Variants in HAO2 observed in about 807,000 individuals in gnomAD.
HAO2 encodes hydroxyacid oxidase 2.
HAO2 carries 42 observed loss-of-function variants against 37.4 expected under a neutral mutation model. That is an observed-to-expected ratio of 1.12 (90% confidence interval 0.88 to 1.45). The LOEUF is 1.45. HAO2 is among the 40% of genes most tolerant of loss of function. HAO2 has a pLI of 0.00. For missense variants in HAO2, 476 were observed against 430.2 expected (o/e 1.11, Z -0.94); for synonymous variants, 180 against 162.8 (o/e 1.11, Z -0.81).
intron 3 of HAO2, among the ~76,000 whole-genome samples, chr1:119,384,497 C>T (rs1650218410): frequency 6.6e-6 from 1 of 152,186 alleles, no homozygotes; most frequent in African/African-American, 2.4e-5. Context: ...ACACAACCAA[C>T]ATGATTCTGG....
At chr1:119,389,766 C>T (rs72991418) in intron 5 of HAO2, among the ~76,000 whole-genome samples, 11,859 of 151,894 alleles carry the variant, frequency 0.078, 676 homozygotes, top group East Asian at 0.19. Context: ...GACTGTTCCT[C>T]TGCCATACAA....
At chr1:119,381,310 A>G in intron 2 of HAO2, 94 bp downstream of exon 2, 1 of 887,184 alleles carries the variant, frequency 1.1e-6, no homozygotes, top group Non-Finnish European at 1.9e-6. Context: ...CCTCCAAAAA[A>G]CACAGATCAC....
chr1:119,380,146 C>T (rs1557846140), intron 1 of HAO2, among the ~76,000 whole-genome samples: 1 of 152,158 alleles, frequency 6.6e-6, no homozygotes, highest in Non-Finnish European at 1.5e-5. Context: ...TCCTCTCATG[C>T]AGGAGCTCTA....
At chr1:119,369,112 G>T (rs1322702712) in intron 1 of HAO2, 1 of 152,202 alleles carries the variant, frequency 6.6e-6, no homozygotes, top group Non-Finnish European at 1.5e-5. Flanking sequence ...GACAGAGAAG[G>T]TTAAGTCTAG....
intron 1 of HAO2, among the ~76,000 whole-genome samples, chr1:119,374,495 AT>A (rs1478922689): frequency 2.0e-5 from 3 of 152,176 alleles, no homozygotes; most frequent in Non-Finnish European, 4.4e-5. Context: ...TAGCCTTGAT[AT>A]TATCTGACAT....
chr1:119,384,355 G>T (rs1650207167), intron 3 of HAO2, among the ~76,000 whole-genome samples: 1 of 152,150 alleles, frequency 6.6e-6, no homozygotes, highest in African/African-American at 2.4e-5. Flanking sequence ...AATTTCATAT[G>T]CTATGCTTTT....
At chr1:119,385,484 G>A (rs1006437676) in intron 4 of HAO2, 1 of 765,994 alleles carries the variant, frequency 1.3e-6, no homozygotes, top group African/African-American at 1.9e-5. Context: ...TGACCAAAGT[G>A]ACTGGCCAGA....
intron 1 of HAO2, among the ~76,000 whole-genome samples, chr1:119,380,340 A>G (rs1220739189): frequency 6.6e-6 from 1 of 152,188 alleles, no homozygotes; most frequent in Non-Finnish European, 1.5e-5. Flanking sequence ...GAATAAATGG[A>G]GCCAACATAC....
intron 1 of HAO2, 29 bp from the exon 2 acceptor site, chr1:119,381,049 T>C: frequency 6.2e-7 from 1 of 1,604,030 alleles, no homozygotes; most frequent in Non-Finnish European, 8.5e-7. Context: ...CTCACTGGGT[T>C]TGGTTTGGTT....
chr1:119,372,490 GA>G (rs1183188340), intron 1 of HAO2, among the ~76,000 whole-genome samples: 2 of 152,206 alleles, frequency 1.3e-5, no homozygotes, highest in Non-Finnish European at 2.9e-5. Context: ...GAGAGATTAG[GA>G]AAAGAGAAGA....
chr1:119,380,678 G>A (rs1386340185), intron 1 of HAO2: 8 of 1,593,706 alleles, frequency 5.0e-6, no homozygotes, highest in Admixed American at 3.3e-5. Flanking sequence ...ACTTTAGGAA[G>A]ATCCCAGGAA....
intron 4 of HAO2, among the ~76,000 whole-genome samples, 185 bp from the exon 5 acceptor site, chr1:119,386,437 C>T (rs1348240062): frequency 2.6e-5 from 4 of 152,118 alleles, no homozygotes; most frequent in Admixed American, 2.6e-4. Context: ...AACTACTAGG[C>T]TCAAAAGATC....
rs374103456 is a variant in HAO2, at chr1:119,381,142, G to A, written c.57G>A (p.Lys19=). The A allele has an allele frequency of 1.0e-4, 168 of 1,610,560 alleles. 1 individual carries two copies. The South Asian group carries it at 1.7e-3, about 16-fold the overall frequency. The part of the protein sequence containing the change: ...FQAHAREQLS[K]STRDFIEGGA... ...CCCATGCGCGAGAGCAGCTGTCTAA[G>A]TCAACTCGGGATTTTATTGAAGGTG... is the stretch of plus-strand genomic sequence containing the variant. Residue 19 remains lysine, a synonymous_variant, in exon 2 of 8, where the codon AAG becomes AAA. Coordinates refer to ENST00000325945, the MANE Select transcript of HAO2 (RefSeq NM_016527.4).
chr1:119,385,834 A>G, intron 4 of HAO2: 3 of 985,236 alleles, frequency 3.0e-6, no homozygotes, highest in Non-Finnish European at 3.6e-6. Context: ...CAAAATCCTT[A>G]TTCAAATTCC....
chr1:119,393,580 A>G (rs587773017), intron 7 of HAO2, among the ~76,000 whole-genome samples: 1 of 152,282 alleles, frequency 6.6e-6, no homozygotes, highest in East Asian at 1.9e-4. Context: ...TGACATGGCC[A>G]TGTTCAGAGA....
chr1:119,369,870 T>C (rs1192287058), intron 1 of HAO2, among the ~76,000 whole-genome samples: 11 of 152,044 alleles, frequency 7.2e-5, no homozygotes, highest in Non-Finnish European at 4.4e-5. Context: ...CAGAAACTGA[T>C]GTGATAAAGG....
chr1:119,371,722 A>G (rs1649030385), intron 1 of HAO2, among the ~76,000 whole-genome samples: 1 of 152,238 alleles, frequency 6.6e-6, no homozygotes, highest in African/African-American at 2.4e-5. Context: ...CATTTCCACA[A>G]GGATTAAAAC....
At chr1:119,387,456 T>C (rs1419368522) in intron 5 of HAO2, among the ~76,000 whole-genome samples, 1 of 152,174 alleles carries the variant, frequency 6.6e-6, no homozygotes, top group Non-Finnish European at 1.5e-5. Flanking sequence ...AATGAGGTTT[T>C]TTCCTCTTCA....
In HAO2 at chr1:119,385,868, T is replaced by C. The variant is rs779603186; in HGVS notation, c.562-754T>C. The C allele has an allele frequency of 1.3e-5, 13 of 984,904 alleles. No individual in the cohort carries two copies. In the East Asian group the frequency reaches 1.1e-3, roughly 86 times the overall value. The allele number at this position is 984,904 out of a possible 1,614,324, so 61.0% of individuals were successfully genotyped here. A position where few individuals can be genotyped will look rare whatever the true frequency, so the allele number is the denominator to read the frequency against. On this transcript the variant is annotated intron_variant, in intron 4 of 7. Transcript: ENST00000325945. The stretch of plus-strand genomic sequence containing the variant: ...CCAGAAGCACATTGAGATTTATAAA[T>C]GTTTGATGTACATGGTGAGCCAAGA...
Sources: allele counts gnomAD v4.1 joint callset (sites outside exome capture counted in the v4.1 genomes callset), GRCh38; gene constraint gnomAD v4.1.1; transcripts MANE v1.5; gene names NCBI Gene and HGNC (gene_info 2026-07-23, HGNC 2026-07-21).